Variants in GNB3 observed in about 807,000 individuals in gnomAD.
GNB3 encodes G protein subunit beta 3.
In GNB3, 33 loss-of-function variants were observed where a neutral mutation model predicts 41.2. The ratio of observed to expected loss-of-function variants is 0.80; its 90% CI spans 0.61 to 1.07. GNB3 has a LOEUF of 1.07. Ranked by LOEUF, GNB3 falls within the 50% of genes least tolerant of loss-of-function variation. GNB3 has a pLI of 0.00. For missense variants in GNB3, 409 were observed against 455.3 expected (o/e 0.90, Z 0.92); for synonymous variants, 172 against 173.4 (o/e 0.99, Z 0.06).
At position 6,845,573 on chromosome 12, in the gene GNB3, C is replaced by T. The variant is rs1943673313; in HGVS notation, c.700-13C>T. 1.3e-6 allele frequency: 2 copies of T among 1,593,922 alleles called. No homozygotes were observed. Among genetic ancestry groups the T allele is most frequent in the Non-Finnish European group, 1.7e-6 (2 of 1,167,996 alleles). On this transcript the variant is annotated splice_polypyrimidine_tract_variant and intron_variant, in intron 8 of 9. Transcript: ENST00000229264. ...GGTCTGATCCCTGACCCACTTGCCA[C>T]CCGTGCCCTCAGTTCTTCCCCAATG...
intron 8 of GNB3, 41 bp downstream of exon 8, chr12:6,844,019 C>T: frequency 7.0e-7 from 1 of 1,418,984 alleles, no homozygotes; most frequent in Non-Finnish European, 9.8e-7. Context: ...CAACTCCTTC[C>T]CCGACACTCC....
intron 3 of GNB3, chr12:6,841,930 T>C (rs781913491): frequency 3.2e-5 from 17 of 528,346 alleles, no homozygotes; most frequent in African/African-American, 1.9e-4. Context: ...TTGTAGACTC[T>C]AGCTGCTAGT....
At chr12:6,844,316 G>A (rs1174823142) in intron 8 of GNB3, among the ~76,000 whole-genome samples, 1 of 151,576 alleles carries the variant, frequency 6.6e-6, no homozygotes, top group Non-Finnish European at 1.5e-5. Context: ...TGGCCAGGCT[G>A]GTCTTGAACT....
At chr12:6,841,496 C>T (rs925338623) in intron 2 of GNB3, 90 bp from the exon 3 acceptor site, 2 of 1,251,050 alleles carry the variant, frequency 1.6e-6, no homozygotes, top group Non-Finnish European at 2.3e-6. Flanking sequence ...CCCCCAAGCC[C>T]CAGAGCCCCA....
Position 6,843,521 on chromosome 12 carries a change from C to A in GNB3, c.426C>A (p.His142Gln). The change falls in exon 6 of 10, where the codon CAC becomes CAA. Residue 142 changes from histidine (H) to glutamine (Q), a missense_variant. Transcript: ENST00000229264. The surrounding 1 kb of genome is among the most constrained non-coding windows in gnomAD (Gnocchi z 5.9). ...NVKVSRELSA[H>Q]TGYLSCCRFL... ...AGGTCAGCCGGGAGCTTTCTGCTCA[C>A]ACAGGTGAGGGAGAGACCCTCTCCT... 6.2e-7 allele frequency: 1 copy of A among 1,614,108 alleles called. No homozygotes were observed. Among genetic ancestry groups the A allele is most frequent in the Non-Finnish European group, 8.5e-7 (1 of 1,179,952 alleles).
chr12:6,843,713 T>C lies in GNB3; in HGVS notation c.497+15T>C. On this transcript the variant is annotated intron_variant, in intron 7 of 9. Coordinates refer to ENST00000229264, the MANE Select transcript of GNB3 (RefSeq NM_002075.4). The surrounding 1 kb of genome is among the most constrained non-coding windows in gnomAD (Gnocchi z 5.9). ...GACACCACGTGGTGAGGCTGAACAT[T>C]GCTGGTGCTGGGGCTTGGGAGTGGG... The C allele has an allele frequency of 1.2e-6, 2 of 1,613,642 alleles. No individual in the cohort carries two copies. Among genetic ancestry groups the C allele is most frequent in the Non-Finnish European group, 1.7e-6 (2 of 1,179,520 alleles).
At chr12:6,845,902 C>T in intron 9 of GNB3, 100 bp downstream of exon 9, 6 of 811,012 alleles carry the variant, frequency 7.4e-6, no homozygotes, top group Middle Eastern at 2.9e-4. Context: ...TTCGGACTCT[C>T]TTACTGCTGT....
chr12:6,844,037 A>G (rs1207233663), intron 8 of GNB3, 59 bp downstream of exon 8: 1 of 1,126,890 alleles, frequency 8.9e-7, no homozygotes, highest in Non-Finnish European at 1.3e-6. Context: ...TCCCCACAAC[A>G]CATACAATAC....
In GNB3 at chr12:6,843,181, G is replaced by C. The variant is rs782714534; in HGVS notation, c.211G>C (p.Val71Leu). The change falls in exon 5 of 10, where the codon GTA becomes CTA. Residue 71 changes from valine (V) to leucine (L), a missense_variant. By Grantham distance (32) the Val-to-Leu change is conservative. Coordinates refer to ENST00000229264, the MANE Select transcript of GNB3 (RefSeq NM_002075.4). The surrounding 1 kb of genome is among the most constrained non-coding windows in gnomAD (Gnocchi z 5.9). ...GGGATGCCCTCTCCCCAGGCTGCTG[G>C]TAAGTGCCTCGCAAGATGGGAAGCT... ...MHWATDSKLL[V>L]SASQDGKLIV... 2.2e-5 allele frequency: 36 copies of C among 1,613,802 alleles called. No homozygotes were observed. Among genetic ancestry groups the C allele is most frequent in the Non-Finnish European group, 3.1e-5 (36 of 1,179,848 alleles).
At chr12:6,842,352 C>T (rs1555123569) in intron 3 of GNB3, among the ~76,000 whole-genome samples, 1 of 152,152 alleles carries the variant, frequency 6.6e-6, no homozygotes, top group Admixed American at 6.5e-5. Context: ...AGTTTGAGAC[C>T]AGCCTGGGCA....
rs782372367 is a variant in GNB3 at position 6,846,854 on chromosome 12, G to A, written c.979G>A (p.Val327Met). The A allele has an allele frequency of 2.7e-5, 43 of 1,600,848 alleles. No homozygotes were observed. In the Middle Eastern group the frequency reaches 2.8e-3, roughly 104 times the overall value. The change falls in exon 10 of 10, where the codon GTG becomes ATG. Residue 327 changes from valine (V) to methionine (M), a missense_variant. Physicochemically the swap from Val to Met is conservative, Grantham distance 21. Transcript: ENST00000229264. ...GGGAGTCACAGCTGACGGGATGGCT[G>A]TGGCCACAGGTTCCTGGGACAGCTT... ...CLGVTADGMA[V>M]ATGSWDSFLK...
intron 8 of GNB3, among the ~76,000 whole-genome samples, chr12:6,844,266 T>A (rs782042693): frequency 1.3e-5 from 2 of 151,712 alleles, no homozygotes; most frequent in South Asian, 4.2e-4. Context: ...CATGCCCGGC[T>A]AATTTTTGTA....
Position 6,843,403 on chromosome 12 carries a change from G to A in GNB3, c.308G>A (p.Cys103Tyr). 6.2e-7 allele frequency: 1 copy of A among 1,614,146 alleles called. No individual in the cohort carries two copies. Among genetic ancestry groups the A allele is most frequent in the Non-Finnish European group, 8.5e-7 (1 of 1,179,988 alleles). ...CTGCGCTCCTCCTGGGTCATGACCT[G>A]TGCCTATGCCCCATCAGGGAACTTT... ...IPLRSSWVMT[C>Y]AYAPSGNFVA... Residue 103 changes from cysteine (C) to tyrosine (Y), a missense_variant, in exon 6 of 10, where the codon TGT (cysteine) becomes TAT (tyrosine). Coordinates refer to ENST00000229264, the MANE Select transcript of GNB3 (RefSeq NM_002075.4). This position sits in a 1 kb window ranked among gnomAD's most constrained non-coding sequence, Gnocchi z 5.9.
intron 9 of GNB3, 50 bp downstream of exon 9, chr12:6,845,852 A>G (rs1271883272): frequency 9.1e-7 from 1 of 1,094,422 alleles, no homozygotes; most frequent in Non-Finnish European, 1.3e-6. Flanking sequence ...GACCCTCCCC[A>G]GCCCTCCCTC....
At position 6,845,701 on chromosome 12, in the gene GNB3, G is replaced by A; in HGVS notation, c.815G>A (p.Gly272Asp). Residue 272 changes from glycine (G) to aspartate (D), a missense_variant, in exon 9 of 10, where the codon GGC becomes GAC. By Grantham distance (94) the Gly-to-Asp change is moderately conservative. Transcript: ENST00000229264. Reference protein sequence around the residue: ...ICFSHESIICGITSVAFSLSG... With the variant: ...ICFSHESIICDITSVAFSLSG... ...TTCTCCCACGAGAGCATCATCTGCG[G>A]CATCACGTCCGTGGCCTTCTCCCTC... 1 of 1,614,118 alleles carries A rather than the reference G, an allele frequency of 6.2e-7. No homozygotes were observed. Among genetic ancestry groups the A allele is most frequent in the Non-Finnish European group, 8.5e-7 (1 of 1,179,970 alleles).
At position 6,843,028 on chromosome 12, in the gene GNB3, G is replaced by A; in HGVS notation, c.155G>A (p.Arg52Lys). 1 of 1,579,940 alleles carries A rather than the reference G, an allele frequency of 6.3e-7. No homozygotes were observed. Among genetic ancestry groups the A allele is most frequent in the Non-Finnish European group, 8.6e-7 (1 of 1,158,114 alleles). ...RVQMRTRRTLRGHLAKIYAMH... is the reference protein window; with the variant it reads ...RVQMRTRRTLKGHLAKIYAMH... ...CAGATGCGGACGCGGCGGACGTTAA[G>A]GGGACACCTGGCCAAGATTTACGCC... Residue 52 changes from arginine to lysine, a missense_variant, in exon 4 of 10, where the codon AGG becomes AAG. Physicochemically the swap from Arg to Lys is conservative, Grantham distance 26. Transcript: ENST00000229264. This position sits in a 1 kb window ranked among gnomAD's most constrained non-coding sequence, Gnocchi z 5.9.
At chr12:6,842,765 C>T (rs1943596090) in intron 3 of GNB3, among the ~76,000 whole-genome samples, 1 of 152,208 alleles carries the variant, frequency 6.6e-6, no homozygotes, top group African/African-American at 2.4e-5. Context: ...TTGTTAAACA[C>T]TTACAAGCAA....
Position 6,843,532 on chromosome 12 carries a change from G to T in GNB3, c.430+7G>T. Reference sequence around the variant, plus strand: ...GAGCTTTCTGCTCACACAGGTGAGGGAGAGACCCTCTCCTCCCCTCCTGAG... The same window carrying T: ...GAGCTTTCTGCTCACACAGGTGAGGTAGAGACCCTCTCCTCCCCTCCTGAG... On this transcript the variant is annotated splice_region_variant and intron_variant, in intron 6 of 9. Transcript: ENST00000229264. This position sits in a 1 kb window ranked among gnomAD's most constrained non-coding sequence, Gnocchi z 5.9. 6.2e-7 allele frequency: 1 copy of T among 1,613,864 alleles called. No individual in the cohort carries two copies. Among genetic ancestry groups the T allele is most frequent in the Non-Finnish European group, 8.5e-7 (1 of 1,179,750 alleles).
intron 3 of GNB3, 23 bp from the exon 4 acceptor site, chr12:6,842,947 A>G: frequency 2.0e-6 from 3 of 1,473,116 alleles, no homozygotes; most frequent in Middle Eastern, 1.8e-4. Context: ...TCACCCTGAT[A>G]TTCAGTGCCC....
Sources: allele counts gnomAD v4.1 joint callset (sites outside exome capture counted in the v4.1 genomes callset), GRCh38; gene constraint gnomAD v4.1.1; non-coding constraint Gnocchi (gnomAD v3.1); transcripts MANE v1.5; gene names NCBI Gene and HGNC (gene_info 2026-07-23, HGNC 2026-07-21).